Variants in NXPE4 observed in about 807,000 individuals in gnomAD.
NXPE4 encodes the protein NXPE family member 4.
NXPE4 carries 42 observed loss-of-function variants against 33.3 expected under a neutral mutation model. The ratio of observed to expected loss-of-function variants is 1.26; its 90% CI spans 0.98 to 1.63. NXPE4 has a LOEUF of 1.63. NXPE4 is among the 40% of genes most tolerant of loss of function. NXPE4 has a pLI of 0.00. For synonymous variants in NXPE4, 253 were observed against 234.9 expected, an observed-to-expected ratio of 1.08 and a Z score of -0.71; for missense variants, 709 against 647.6, an observed-to-expected ratio of 1.09 and a Z score of -1.03.
At chr11:114,595,994 C>T (rs1333012687), upstream of NXPE4, among the ~76,000 whole-genome samples, 1 of 152,018 alleles carries the variant, frequency 6.6e-6, no homozygotes. Context: ...TTAGTTAATA[C>T]AATTTGATAA....
the NXPE4 span, among the ~76,000 whole-genome samples, chr11:114,630,090 T>C: frequency 1.2e-3 from 188 of 151,766 alleles, 4 homozygotes; most frequent in African/African-American, 4.3e-3. Context: ...AAAATGGCCA[T>C]ACTGCCCAAG....
chr11:114,641,373 T>C, the NXPE4 span, among the ~76,000 whole-genome samples: 2 of 152,172 alleles, frequency 1.3e-5, no homozygotes, highest in East Asian at 1.9e-4. Flanking sequence ...ATAGACTACA[T>C]ACTGAGTCAC....
chr11:114,643,425 C>G, the NXPE4 span, among the ~76,000 whole-genome samples: 1 of 151,982 alleles, frequency 6.6e-6, no homozygotes, highest in African/African-American at 2.4e-5. Context: ...TCTTGAGTTA[C>G]TTTTTGTATA....
rs200452412 is a variant in NXPE4, at chr11:114,594,700, G to C, written c.60C>G (p.Ser20=). The C allele has an allele frequency of 6.2e-7, 1 of 1,603,618 alleles. No homozygotes were observed. Among genetic ancestry groups the C allele is most frequent in the African/African-American group, 1.3e-5 (1 of 74,536 alleles). The part of the protein sequence containing the change: ...SLLALLFILA[S]WIIFTVFQNS... Reference sequence around the variant, plus strand: ...TCTGGAAAACTGTAAAAATGATCCAGGAGGCTAATATAAACAACAGTGCCA... The same window carrying C: ...TCTGGAAAACTGTAAAAATGATCCACGAGGCTAATATAAACAACAGTGCCA... Residue 20 remains serine (S), a synonymous_variant, in exon 2 of 6, where the codon TCC becomes TCG. Coordinates refer to ENST00000375478, the MANE Select transcript of NXPE4 (RefSeq NM_001077639.2).
the NXPE4 span, among the ~76,000 whole-genome samples, chr11:114,603,688 C>T: frequency 6.6e-6 from 1 of 151,066 alleles, no homozygotes; most frequent in East Asian, 2.0e-4. Flanking sequence ...ACTCCTATTA[C>T]CTGGGGGATG....
At chr11:114,626,263 C>A in the NXPE4 span, among the ~76,000 whole-genome samples, 1 of 152,230 alleles carries the variant, frequency 6.6e-6, no homozygotes, top group South Asian at 2.1e-4. Context: ...CCTCTGCAGA[C>A]TTAAATGTCC....
At chr11:114,583,324 T>C (rs963725848) in intron 2 of NXPE4, 1 of 623,830 alleles carries the variant, frequency 1.6e-6, no homozygotes, top group East Asian at 3.5e-5. Flanking sequence ...ATTACTATTA[T>C]GGACAAGCCC....
In NXPE4 at chr11:114,571,291, T is replaced by G. The variant is rs771522297; in HGVS notation, c.1282A>C (p.Asn428His). The G allele has an allele frequency of 2.5e-6, 4 of 1,614,012 alleles. No homozygotes were observed. The South Asian group carries it at 4.4e-5, about 18-fold the overall frequency. The change falls in exon 6 of 6, where the codon AAT (asparagine) becomes CAT (histidine). Residue 428 changes from asparagine (N) to histidine (H), a missense_variant. Transcript: ENST00000375478. ...RAIDRTGGEK[N>H]TVIVISLGQH... ...CCCAGGGAAATAACAATGACAGTAT[T>G]TTTTTCTCCTCCAGTTCTGTCAATG...
At chr11:114,609,218 G>A in the NXPE4 span, among the ~76,000 whole-genome samples, 2 of 151,766 alleles carry the variant, frequency 1.3e-5, no homozygotes, top group South Asian at 2.1e-4. Flanking sequence ...CAGATACTGA[G>A]TTTTGCTTCG....
intron 4 of NXPE4, among the ~76,000 whole-genome samples, chr11:114,581,345 C>A (rs964388330): frequency 2.0e-5 from 3 of 152,096 alleles, no homozygotes; most frequent in Non-Finnish European, 2.9e-5. Flanking sequence ...GGTTGGAAAC[C>A]TCTAGATGGT....
At chr11:114,636,974 T>C in the NXPE4 span, among the ~76,000 whole-genome samples, 1 of 152,174 alleles carries the variant, frequency 6.6e-6, no homozygotes, top group African/African-American at 2.4e-5. Flanking sequence ...AGATGTCTAT[T>C]AGGTCCACTT....
intron 5 of NXPE4, among the ~76,000 whole-genome samples, chr11:114,575,431 C>T (rs942351971): frequency 2.0e-5 from 3 of 151,872 alleles, no homozygotes; most frequent in Non-Finnish European, 4.4e-5. Context: ...TGATAGTATA[C>T]CTAGAAAACC....
At chr11:114,618,181 G>A in the NXPE4 span, among the ~76,000 whole-genome samples, 1 of 151,928 alleles carries the variant, frequency 6.6e-6, no homozygotes, top group African/African-American at 2.4e-5. Context: ...TTGGTACCCG[G>A]TGGATACTAA....
the NXPE4 span, among the ~76,000 whole-genome samples, chr11:114,647,097 A>G: frequency 6.6e-6 from 1 of 152,184 alleles, no homozygotes; most frequent in African/African-American, 2.4e-5. Context: ...AACCTTGTGA[A>G]CAAACATGAG....
chr11:114,645,268 T>A, the NXPE4 span, among the ~76,000 whole-genome samples: 1 of 152,036 alleles, frequency 6.6e-6, no homozygotes, highest in Non-Finnish European at 1.5e-5. Context: ...GTCACTGCAC[T>A]CCAGCCTGGG....
At position 114,582,595 on chromosome 11, in the gene NXPE4, C is replaced by A. The variant is rs570103651; in HGVS notation, c.523G>T (p.Val175Phe). 1.8e-5 allele frequency: 29 copies of A among 1,614,184 alleles called. No individual in the cohort carries two copies. In the African/African-American group the frequency reaches 3.5e-4, roughly 19 times the overall value. ...VSFTLFWEGQ[V>F]SLSLLLIHPS... ...TGGATGAGCAGCAGAGACAGAGAGA[C>A]CTGGCCCTCCCAGAACAGAGTGAAG... Residue 175 changes from valine (V) to phenylalanine (F), a missense_variant, in exon 3 of 6, where the codon GTC (valine) becomes TTC (phenylalanine). Val to Phe is a conservative substitution (Grantham distance 50). Coordinates refer to ENST00000375478, the MANE Select transcript of NXPE4 (RefSeq NM_001077639.2).
chr11:114,609,067 A>G, the NXPE4 span, among the ~76,000 whole-genome samples: 6 of 151,788 alleles, frequency 4.0e-5, no homozygotes, highest in Non-Finnish European at 5.9e-5. Flanking sequence ...CTCGTGGGTA[A>G]CCACTGTTAT....
At chr11:114,675,010 A>G in the NXPE4 span, among the ~76,000 whole-genome samples, 1 of 151,858 alleles carries the variant, frequency 6.6e-6, no homozygotes, top group Non-Finnish European at 1.5e-5. Flanking sequence ...ACACAAATCT[A>G]TACATGTAAT....
At chr11:114,621,327 G>T in the NXPE4 span, among the ~76,000 whole-genome samples, 3 of 151,712 alleles carry the variant, frequency 2.0e-5, no homozygotes, top group South Asian at 4.2e-4. Context: ...ACTGTTACCC[G>T]CTGGATAATA....
Sources: gnomAD v4.1 joint callset for allele counts (sites outside exome capture counted in the v4.1 genomes callset) on GRCh38, gnomAD v4.1.1 for gene constraint, MANE v1.5 for transcripts, NCBI Gene and HGNC (gene_info 2026-07-23, HGNC 2026-07-21) for gene names.